POU6F2: variants seen among roughly 807,000 people sequenced by gnomAD.
POU6F2 encodes POU domain, class 6, transcription factor 2.
POU6F2 carries 31 observed loss-of-function variants against 71.3 expected under a neutral mutation model. That is an observed-to-expected ratio of 0.43 (90% CI 0.33 to 0.59). The LOEUF is 0.59. Ranked by LOEUF, POU6F2 falls within the 20% of genes least tolerant of loss-of-function variation. The pLI, the probability that POU6F2 is intolerant of heterozygous loss-of-function variation, is 0.04. For synonymous variants in POU6F2, 347 were observed against 355.7 expected (o/e 0.98, Z 0.27); for missense variants, 783 against 856.8 (o/e 0.91, Z 1.07).
chr7:39,273,928 A>G (rs1421778373), intron 4 of POU6F2, among the ~76,000 whole-genome samples: 2 of 152,204 alleles, frequency 1.3e-5, no homozygotes, highest in Non-Finnish European at 2.9e-5. Flanking sequence ...AACTATAAAG[A>G]GTAAAAACAA....
chr7:39,210,823 T>G (rs1794126833), intron 4 of POU6F2, among the ~76,000 whole-genome samples: 1 of 152,152 alleles, frequency 6.6e-6, no homozygotes, highest in Non-Finnish European at 1.5e-5. Flanking sequence ...GTTTAAGAAA[T>G]GCTGATCTAG....
intron 6 of POU6F2, among the ~76,000 whole-genome samples, chr7:39,409,192 A>C (rs1250616577): frequency 6.6e-6 from 1 of 152,224 alleles, no homozygotes; most frequent in Non-Finnish European, 1.5e-5. Context: ...GAAAACTCTG[A>C]ATATGTTTAA....
chr7:39,095,793 G>C (rs1170342895), intron 2 of POU6F2, among the ~76,000 whole-genome samples: 1 of 152,128 alleles, frequency 6.6e-6, no homozygotes, highest in African/African-American at 2.4e-5. Context: ...AGGGTAAGGG[G>C]TACCCAAAGT....
intron 4 of POU6F2, among the ~76,000 whole-genome samples, chr7:39,294,378 A>G (rs1434303453): frequency 1.4e-5 from 2 of 147,720 alleles, no homozygotes; most frequent in African/African-American, 5.0e-5. Flanking sequence ...GATGGCAAAA[A>G]CCACAATTAC....
At chr7:39,382,019 G>A (rs1294069425) in intron 5 of POU6F2, among the ~76,000 whole-genome samples, 1 of 151,614 alleles carries the variant, frequency 6.6e-6, no homozygotes, top group Non-Finnish European at 1.5e-5. Context: ...GCTCTTTGTA[G>A]CAGTTGAGAA....
chr7:39,116,710 C>T (rs1791937441), intron 2 of POU6F2, among the ~76,000 whole-genome samples: 1 of 152,064 alleles, frequency 6.6e-6, no homozygotes, highest in South Asian at 2.1e-4. Flanking sequence ...ATCTACCAAC[C>T]TTCTTCCTCT....
intron 4 of POU6F2, among the ~76,000 whole-genome samples, chr7:39,245,719 C>T (rs1783808047): frequency 6.6e-6 from 1 of 152,134 alleles, no homozygotes; most frequent in Non-Finnish European, 1.5e-5. Context: ...TAGAGGTCTC[C>T]AGTATATAAT....
At chr7:39,337,703 C>T (rs957437201) in intron 4 of POU6F2, among the ~76,000 whole-genome samples, 8 of 152,132 alleles carry the variant, frequency 5.3e-5, no homozygotes, top group East Asian at 1.9e-4. Flanking sequence ...ACCCAAGTTA[C>T]GTTCATATAT....
At chr7:39,201,018 T>C (rs1018515099) in intron 2 of POU6F2, among the ~76,000 whole-genome samples, 15 of 152,154 alleles carry the variant, frequency 9.9e-5, no homozygotes, top group African/African-American at 3.6e-4. Context: ...CAGAGTGAGA[T>C]ACTGTCTCTC....
intron 4 of POU6F2, among the ~76,000 whole-genome samples, chr7:39,222,876 G>T (rs1219255486): frequency 6.6e-6 from 1 of 152,100 alleles, no homozygotes; most frequent in Non-Finnish European, 1.5e-5. Context: ...ATATCTATTT[G>T]TATCAGCTTT....
chr7:39,260,940 A>G (rs1005747690), intron 4 of POU6F2, among the ~76,000 whole-genome samples: 1 of 151,498 alleles, frequency 6.6e-6, no homozygotes, highest in Non-Finnish European at 1.5e-5. Context: ...ACACATACAC[A>G]CACCCTACAT....
At chr7:38,983,043 A>T (rs1392547055) in intron 1 of POU6F2, among the ~76,000 whole-genome samples, 1 of 152,128 alleles carries the variant, frequency 6.6e-6, no homozygotes, top group Non-Finnish European at 1.5e-5. Context: ...CATGTCTGCA[A>T]ATACTGAAAA....
At chr7:39,431,029 A>G (rs1788086898) in intron 6 of POU6F2, among the ~76,000 whole-genome samples, 1 of 152,166 alleles carries the variant, frequency 6.6e-6, no homozygotes, top group Non-Finnish European at 1.5e-5. Flanking sequence ...TGTTTAATGC[A>G]AGACCACTCA....
In POU6F2 at chr7:39,090,914, TCAAA is replaced by T. The variant is rs775247431; in HGVS notation, c.277+4889_277+4892del. Among the ~76,000 whole-genome samples, 27 of 152,032 alleles carry T rather than the reference TCAAA, an allele frequency of 1.8e-4. No homozygotes were observed. In the South Asian group the frequency reaches 5.0e-3, roughly 28 times the overall value. ...TCAAAAATCAGTTATGGTTTAATAG[TCAAA>T]CAAACCCTTGTCATGCTGCTGACTA... On this transcript the variant is annotated intron_variant, in intron 2 of 9. Transcript: ENST00000518318.
chr7:39,113,934 C>G (rs955453232), intron 2 of POU6F2, among the ~76,000 whole-genome samples: 1 of 152,176 alleles, frequency 6.6e-6, no homozygotes, highest in South Asian at 2.1e-4. Flanking sequence ...CAAGGAATAC[C>G]CTTCTGGCTA....
chr7:39,303,197 C>T (rs1323960352), intron 4 of POU6F2, among the ~76,000 whole-genome samples: 2 of 152,140 alleles, frequency 1.3e-5, no homozygotes, highest in Non-Finnish European at 2.9e-5. Context: ...CGCTCTGTCA[C>T]CCAGGCTGGA....
At position 39,188,492 on chromosome 7, in the gene POU6F2, T is replaced by C. The variant is rs561331240; in HGVS notation, c.278-15743T>C. Among the ~76,000 whole-genome samples the C allele has an allele frequency of 2.0e-5, 3 of 152,250 alleles. No individual in the cohort carries two copies. The East Asian group carries it at 5.8e-4, about 29-fold the overall frequency. ...CACCCCTGGCTAATTTTTGCATTTT[T>C]AGTAGAAACAGGGTTTCGCCATGTT... On this transcript the variant is annotated intron_variant, in intron 2 of 9. Transcript: ENST00000518318.
chr7:39,261,988 G>C (rs1173112266), intron 4 of POU6F2, among the ~76,000 whole-genome samples: 1 of 152,118 alleles, frequency 6.6e-6, no homozygotes, highest in African/African-American at 2.4e-5. Flanking sequence ...TGTGTTTTCT[G>C]AGTTGGCTGC....
rs551647774 is a variant in POU6F2 at position 39,163,381 on chromosome 7, C to T, written c.278-40854C>T. Among the ~76,000 whole-genome samples, 9 of 152,252 alleles carry T rather than the reference C, an allele frequency of 5.9e-5. No homozygotes were observed. The South Asian group carries it at 1.7e-3, about 28-fold the overall frequency. On this transcript the variant is annotated intron_variant, in intron 2 of 9. Transcript: ENST00000518318. ...CATGGAAGGAGTAACACAGAGAACA[C>T]GGCATTATCAAGCATTATCTGTAGT...
Sources: gnomAD v4.1 joint callset for allele counts (sites outside exome capture counted in the v4.1 genomes callset) on GRCh38, gnomAD v4.1.1 for gene constraint, MANE v1.5 for transcripts, NCBI Gene and HGNC (gene_info 2026-07-23, HGNC 2026-07-21) for gene names.